KIAA0232: variants seen among roughly 807,000 people sequenced by gnomAD.
KIAA0232 encodes KIAA0232.
Under a neutral mutation model 122.0 loss-of-function variants are expected in KIAA0232, and 27 were observed. The ratio of observed to expected loss-of-function variants is 0.22; its 90% CI spans 0.16 to 0.31. KIAA0232 has a LOEUF of 0.31. Ranked by LOEUF, KIAA0232 falls within the 10% of genes least tolerant of loss-of-function variation. KIAA0232 has a pLI of 1.00. For missense variants in KIAA0232, 1,551 were observed against 1,634.2 expected (o/e 0.95, Z 0.88); for synonymous variants, 613 against 587.6 (o/e 1.04, Z -0.63).
rs1476863445 is a variant in KIAA0232, at chr4:6,858,451, G to A, written c.463G>A (p.Gly155Arg). The change falls in exon 6 of 10, where the codon GGG becomes AGG. Residue 155 changes from glycine (G) to arginine (R), a missense_variant. Gly to Arg is a moderately radical substitution (Grantham distance 125). This residue lies in a region of KIAA0232 where 377 missense variants were observed against 381.7 expected (regional missense o/e 0.99). Coordinates refer to ENST00000307659, the MANE Select transcript of KIAA0232 (RefSeq NM_014743.3). ...AGAGAAGATTCACAAAAAGTTAGAGGGGTCTCCCTCTCCAGAGGCAGAATT... is the reference window on the plus strand; with the variant it reads ...AGAGAAGATTCACAAAAAGTTAGAGAGGTCTCCCTCTCCAGAGGCAGAATT... Reference protein sequence around the residue: ...QEEKIHKKLEGSPSPEAELSP... With the variant: ...QEEKIHKKLERSPSPEAELSP... 3.1e-6 allele frequency: 5 copies of A among 1,605,774 alleles called. No homozygotes were observed. The highest frequency in any genetic ancestry group is 4.5e-5 in the East Asian group (2 of 44,554).
At chr4:6,795,364 G>A (rs912031806) in intron 1 of KIAA0232, among the ~76,000 whole-genome samples, 2 of 152,114 alleles carry the variant, frequency 1.3e-5, no homozygotes, top group Non-Finnish European at 2.9e-5. Flanking sequence ...GAGCCACCGC[G>A]CCCGGCCCAC....
chr4:6,860,070 GC>G (rs1720774802), intron 6 of KIAA0232, among the ~76,000 whole-genome samples: 1 of 152,104 alleles, frequency 6.6e-6, no homozygotes, highest in Non-Finnish European at 1.5e-5. Context: ...CTCAGTTGTG[GC>G]CCACTTTAAT....
intron 2 of KIAA0232, among the ~76,000 whole-genome samples, chr4:6,811,347 A>G (rs1185589749): frequency 6.6e-6 from 1 of 152,180 alleles, no homozygotes. Flanking sequence ...CTTAAGTGAT[A>G]AGGCACAAGC....
At chr4:6,864,208 G>T in intron 7 of KIAA0232, 25 bp downstream of exon 7, 2 of 1,571,236 alleles carry the variant, frequency 1.3e-6, no homozygotes, top group South Asian at 2.4e-5. Context: ...GTTGGTATTT[G>T]ACAAAAGGAT....
rs1395806823 is a variant in KIAA0232 at position 6,883,055 on chromosome 4, T to C, written c.*2089T>C. 6.6e-6 allele frequency: 1 copy of C among 152,548 alleles called. No homozygotes were observed. The highest frequency in any genetic ancestry group is 1.9e-4 in the East Asian group (1 of 5,206). The allele number at this position is 152,548 out of a possible 1,614,324, so 9.4% of individuals were successfully genotyped here. Reference sequence around the variant, plus strand: ...AGTGAGCAAAGGGATTCACAAATTATGTATTTATTTGTTTTCATAGTTAAG... The same window carrying C: ...AGTGAGCAAAGGGATTCACAAATTACGTATTTATTTGTTTTCATAGTTAAG... On this transcript the variant is annotated 3_prime_UTR_variant, in exon 10 of 10. Transcript: ENST00000307659.
chr4:6,822,975 G>A (rs1331321064), intron 2 of KIAA0232, among the ~76,000 whole-genome samples: 6 of 138,214 alleles, frequency 4.3e-5, no homozygotes, highest in African/African-American at 1.4e-4. Context: ...GCCCCTTCCT[G>A]TGTCCATGTG....
At chr4:6,816,161 T>C (rs535786016) in intron 2 of KIAA0232, among the ~76,000 whole-genome samples, 2 of 152,180 alleles carry the variant, frequency 1.3e-5, no homozygotes, top group African/African-American at 2.4e-5. Context: ...TCTTCTGATA[T>C]CCTTGTATCC....
At chr4:6,831,375 A>C (rs943478288) in intron 3 of KIAA0232, among the ~76,000 whole-genome samples, 7 of 152,056 alleles carry the variant, frequency 4.6e-5, no homozygotes, top group African/African-American at 1.7e-4. Context: ...CTTTTTCTAG[A>C]AGTTTTTTCT....
At chr4:6,859,118 AAAAAAC>A (rs1720719743) in intron 6 of KIAA0232, among the ~76,000 whole-genome samples, 4 of 151,652 alleles carry the variant, frequency 2.6e-5, no homozygotes, top group African/African-American at 9.7e-5. Flanking sequence ...AAAAAAAAAA[AAAAAAC>A]AAGAAAGAAA....
rs1720403369 is a variant in KIAA0232 at position 6,853,474 on chromosome 4, T to A, written c.370-3690T>A. Among the ~76,000 whole-genome samples the A allele has an allele frequency of 2.0e-5, 3 of 152,224 alleles. No homozygotes were observed. The South Asian group carries it at 6.2e-4, about 32-fold the overall frequency. The stretch of plus-strand genomic sequence containing the variant: ...GAGGCTTTGATAGGTAAATGATTTA[T>A]GTAGGGTCATGTGGTTAACCCTGGG... On this transcript the variant is annotated intron_variant, in intron 4 of 9. Transcript: ENST00000307659.
chr4:6,791,718 A>G (rs1297067286), intron 1 of KIAA0232, among the ~76,000 whole-genome samples: 2 of 152,166 alleles, frequency 1.3e-5, no homozygotes, highest in African/African-American at 4.8e-5. Context: ...CCACAGATAA[A>G]TTTTAAAAAA....
At chr4:6,840,865 A>G (rs553477988) in intron 3 of KIAA0232, among the ~76,000 whole-genome samples, 2 of 152,262 alleles carry the variant, frequency 1.3e-5, no homozygotes, top group Non-Finnish European at 2.9e-5. Flanking sequence ...AAGGATAACA[A>G]TAAGTGAGAT....
At chr4:6,826,616 T>G (rs1455934674) in intron 3 of KIAA0232, among the ~76,000 whole-genome samples, 2 of 151,940 alleles carry the variant, frequency 1.3e-5, no homozygotes, top group Non-Finnish European at 2.9e-5. Flanking sequence ...GCGATCTTCC[T>G]GCCTCTGTCT....
chr4:6,852,169 G>A (rs1237584073), intron 4 of KIAA0232, among the ~76,000 whole-genome samples: 2 of 152,062 alleles, frequency 1.3e-5, no homozygotes, highest in South Asian at 2.1e-4. Context: ...CATGAGAGCT[G>A]GAGACAGGCC....
chr4:6,803,473 A>G (rs930557756), intron 1 of KIAA0232, among the ~76,000 whole-genome samples: 1 of 152,172 alleles, frequency 6.6e-6, no homozygotes, highest in African/African-American at 2.4e-5. Context: ...AATAGTTGGA[A>G]GATTCCAGTA....
chr4:6,841,437 A>C (rs955453265), intron 3 of KIAA0232, among the ~76,000 whole-genome samples: 2 of 152,262 alleles, frequency 1.3e-5, no homozygotes, highest in African/African-American at 4.8e-5. Flanking sequence ...ATTTAACAGA[A>C]TTCTATAAAT....
chr4:6,870,792 ACT>A (rs1289836940), intron 7 of KIAA0232, among the ~76,000 whole-genome samples: 1 of 132,924 alleles, frequency 7.5e-6, no homozygotes, highest in Non-Finnish European at 1.6e-5. Context: ...ACAGAGTGAG[ACT>A]CTGTCTTGGA....
intron 3 of KIAA0232, among the ~76,000 whole-genome samples, chr4:6,832,394 G>C (rs1236553429): frequency 1.3e-5 from 2 of 150,496 alleles, no homozygotes; most frequent in Non-Finnish European, 3.0e-5. Context: ...TGTTGCCTAG[G>C]CTGGAGTGTA....
chr4:6,871,477 G>C, intron 7 of KIAA0232, 97 bp from the exon 8 acceptor site: 1 of 711,556 alleles, frequency 1.4e-6, no homozygotes, highest in Non-Finnish European at 2.4e-6. Flanking sequence ...CAGTTTAAAA[G>C]TTCTGGGTTT....
Sources: gnomAD v4.1 joint callset for allele counts (sites outside exome capture counted in the v4.1 genomes callset) on GRCh38, gnomAD v4.1.1 for gene constraint, gnomAD v4.1.1 regional missense constraint, MANE v1.5 for transcripts, NCBI Gene and HGNC (gene_info 2026-07-23, HGNC 2026-07-21) for gene names.